The following GALNT13 variants were observed in gnomAD, a reference collection of about 807,000 sequenced individuals.
The protein encoded by GALNT13 is polypeptide N-acetylgalactosaminyltransferase 13.
In GALNT13, 28 loss-of-function variants were observed where a neutral mutation model predicts 64.2. The ratio of observed to expected loss-of-function variants is 0.44; its 90% CI spans 0.32 to 0.60. The LOEUF (loss-of-function observed/expected upper bound fraction) is 0.60, where lower values mean the gene tolerates loss of function less well. Ranked by LOEUF, GALNT13 falls within the 20% of genes least tolerant of loss-of-function variation. The pLI is 0.05. For synonymous variants in GALNT13, 214 were observed against 224.6 expected, an observed-to-expected ratio of 0.95 and a Z score of 0.42; for missense variants, 577 against 669.8, an observed-to-expected ratio of 0.86 and a Z score of 1.53.
chr2:153,264,742 TGAACAGTGA>T, the GALNT13 span, among the ~76,000 whole-genome samples: 1 of 152,162 alleles, frequency 6.6e-6, no homozygotes, highest in Non-Finnish European at 1.5e-5. Context: ...AAGTGGTAGC[TGAACAGTGA>T]GAACACATGG....
At chr2:153,876,450 G>T (rs1686387572) in intron 1 of GALNT13, among the ~76,000 whole-genome samples, 1 of 152,126 alleles carries the variant, frequency 6.6e-6, no homozygotes, top group Non-Finnish European at 1.5e-5. Flanking sequence ...AGCTTTTCAA[G>T]GAAATTTATG....
At chr2:153,389,989 C>G in the GALNT13 span, among the ~76,000 whole-genome samples, 1 of 152,070 alleles carries the variant, frequency 6.6e-6, no homozygotes, top group Non-Finnish European at 1.5e-5. Context: ...ATAAATCATT[C>G]TACGATAAAG....
intron 3 of GALNT13, among the ~76,000 whole-genome samples, chr2:153,986,764 TGGATG>T (rs2105175395): frequency 6.6e-6 from 1 of 151,760 alleles, no homozygotes; most frequent in African/African-American, 2.4e-5. Context: ...TGTAACAAAG[TGGATG>T]AAGGGGAGAA....
chr2:153,691,589 A>G, the GALNT13 span, among the ~76,000 whole-genome samples: 1 of 152,158 alleles, frequency 6.6e-6, no homozygotes, highest in South Asian at 2.1e-4. Context: ...AAAATGGGCA[A>G]AAGGCTTAAT....
the GALNT13 span, among the ~76,000 whole-genome samples, chr2:153,810,323 A>T: frequency 2.0e-5 from 3 of 151,952 alleles, no homozygotes; most frequent in Non-Finnish European, 4.4e-5. Flanking sequence ...AGAGAAACAA[A>T]TTTTTTCCAA....
chr2:154,290,508 C>A (rs1001718473), intron 8 of GALNT13, among the ~76,000 whole-genome samples: 1 of 152,182 alleles, frequency 6.6e-6, no homozygotes, highest in Non-Finnish European at 1.5e-5. Context: ...TCTGTTTAAG[C>A]TGGAGGCGGC....
the GALNT13 span, among the ~76,000 whole-genome samples, chr2:153,736,991 G>C: frequency 1.3e-5 from 2 of 152,150 alleles, no homozygotes; most frequent in African/African-American, 4.8e-5. Flanking sequence ...CTTCTGGGAG[G>C]GCAGTCCTCT....
Position 153,872,613 on chromosome 2 carries a change from T to TTCGG in GALNT13, c.-177+310_-177+311insTCGG, listed in dbSNP as rs146750938. 1.5e-3 allele frequency among the ~76,000 whole-genome samples: 91 copies of TTCGG among 60,662 alleles called. 11 individuals are homozygous for TTCGG. Among genetic ancestry groups the TTCGG allele is most frequent in the South Asian group, 3.5e-3 (6 of 1,708 alleles). 39.8% of individuals were successfully genotyped at this position (60,662 alleles called of 152,430 possible). A position where few individuals can be genotyped will look rare whatever the true frequency, so the allele number is the denominator to read the frequency against. On this transcript the variant is annotated intron_variant, in intron 1 of 12. Transcript: ENST00000392825. ...TTTTCTGGCTACCCCGGTGAGTTGT[T>TTCGG]GGTGGCGGGGGGGGGGGGGGGAGCG...
the GALNT13 span, among the ~76,000 whole-genome samples, chr2:153,737,229 G>A: frequency 3.3e-5 from 5 of 152,122 alleles, no homozygotes; most frequent in African/African-American, 1.2e-4. Flanking sequence ...TAAATGATCA[G>A]GAAAGTCAGA....
At chr2:153,863,547 A>G in the GALNT13 span, among the ~76,000 whole-genome samples, 2 of 152,122 alleles carry the variant, frequency 1.3e-5, no homozygotes, top group Non-Finnish European at 2.9e-5. Context: ...CAGCTTTAAA[A>G]TAAAGTCCAA....
chr2:153,246,121 C>G, the GALNT13 span, among the ~76,000 whole-genome samples: 5 of 151,474 alleles, frequency 3.3e-5, no homozygotes, highest in South Asian at 2.1e-4. Context: ...AAAAAATGAA[C>G]AAAGCCTCCA....
the GALNT13 span, among the ~76,000 whole-genome samples, chr2:153,695,549 G>T: frequency 1.3e-5 from 2 of 152,152 alleles, no homozygotes; most frequent in Non-Finnish European, 2.9e-5. Context: ...TGGATGAAAG[G>T]TTAAGGACAC....
At chr2:153,402,488 G>T in the GALNT13 span, among the ~76,000 whole-genome samples, 1 of 151,914 alleles carries the variant, frequency 6.6e-6, no homozygotes, top group South Asian at 2.1e-4. Flanking sequence ...TTGCTAGATT[G>T]GGGAAGTTCT....
chr2:154,399,176 AAGTGGCTGAGGCAGT>A (rs1699185999), intron 10 of GALNT13, among the ~76,000 whole-genome samples: 1 of 152,144 alleles, frequency 6.6e-6, no homozygotes, highest in Admixed American at 6.5e-5. Flanking sequence ...ACAGCTATTC[AAGTGGCTGAGGCAGT>A]AGTATGGCTT....
chr2:154,365,860 A>G (rs1437775044), intron 9 of GALNT13, among the ~76,000 whole-genome samples: 1 of 152,186 alleles, frequency 6.6e-6, no homozygotes, highest in Non-Finnish European at 1.5e-5. Flanking sequence ...GATGTCTTCA[A>G]TGTGAAGAGT....
chr2:153,117,463 AAG>A, the GALNT13 span, among the ~76,000 whole-genome samples: 2 of 152,200 alleles, frequency 1.3e-5, no homozygotes, highest in African/African-American at 2.4e-5. Context: ...AGAAACATGA[AAG>A]AGAAAATGTT....
the GALNT13 span, chr2:153,173,302 AC>A: frequency 6.6e-6 from 1 of 152,214 alleles, no homozygotes; most frequent in East Asian, 1.9e-4. Flanking sequence ...AGGAATGGTC[AC>A]CCCTGGGATG....
chr2:153,245,161 A>G, the GALNT13 span, among the ~76,000 whole-genome samples: 24 of 152,254 alleles, frequency 1.6e-4, no homozygotes, highest in Non-Finnish European at 2.6e-4. Context: ...TGGGACAGGG[A>G]ACCTGGGACA....
the GALNT13 span, among the ~76,000 whole-genome samples, chr2:153,700,991 A>G: frequency 1.3e-5 from 2 of 152,140 alleles, no homozygotes; most frequent in African/African-American, 4.8e-5. Flanking sequence ...AGAAAAAAAA[A>G]CTTCTTTACA....
Sources: gnomAD v4.1 joint callset for allele counts (sites outside exome capture counted in the v4.1 genomes callset) on GRCh38, gnomAD v4.1.1 for gene constraint, MANE v1.5 for transcripts, NCBI Gene and HGNC (gene_info 2026-07-23, HGNC 2026-07-21) for gene names.